Variants in PRDM11 observed in about 807,000 individuals in gnomAD.
PRDM11 encodes PR domain-containing protein 11.
A neutral mutation model predicts 97.8 loss-of-function variants in PRDM11; 20 were observed. The ratio of observed to expected loss-of-function variants is 0.20; its 90% CI spans 0.14 to 0.30. The LOEUF (loss-of-function observed/expected upper bound fraction) is 0.30, where lower values mean the gene tolerates loss of function less well. Among genes scored for constraint, PRDM11 ranks in the 10% least tolerant of loss-of-function variants. PRDM11 has a pLI of 1.00. For missense variants in PRDM11, 1,139 were observed against 1,555.2 expected (o/e 0.73, Z 4.50); for synonymous variants, 599 against 637.7 (o/e 0.94, Z 0.91).
At position 45,149,122 on chromosome 11, in the gene PRDM11, A is replaced by T. The variant is rs771916290; in HGVS notation, c.-7+2245A>T. 1.1e-3 allele frequency among the ~76,000 whole-genome samples: 163 copies of T among 152,294 alleles called. 1 individual carries two copies. The highest frequency in any genetic ancestry group is 3.4e-3 in the Middle Eastern group (1 of 294). On this transcript the variant is annotated intron_variant, in intron 1 of 7. Transcript: ENST00000683152. ...CCCCTCTTCCCCAGTGTTGTAGTCA[A>T]GCCATCGCTGTCTCTCCCCAGGACA...
intron 1 of PRDM11, among the ~76,000 whole-genome samples, chr11:45,167,759 C>CCA (rs34333065): frequency 0.027 from 3,831 of 143,232 alleles, 85 homozygotes; most frequent in East Asian, 0.088. Flanking sequence ...TCATTTCACA[C>CCA]CACACACACA....
chr11:45,127,154 C>T (rs979319471), intron 1 of PRDM11, among the ~76,000 whole-genome samples: 1 of 152,240 alleles, frequency 6.6e-6, no homozygotes, highest in African/African-American at 2.4e-5. Flanking sequence ...CTGCATTCTT[C>T]ACATAGTTCT....
intron 1 of PRDM11, among the ~76,000 whole-genome samples, chr11:45,152,876 G>C (rs1851694040): frequency 6.6e-6 from 1 of 152,196 alleles, no homozygotes; most frequent in Admixed American, 6.5e-5. Flanking sequence ...CTGCTGTGCT[G>C]AGGAGTTTAC....
At chr11:45,181,479 T>C (rs1852497859) in intron 1 of PRDM11, among the ~76,000 whole-genome samples, 1 of 152,232 alleles carries the variant, frequency 6.6e-6, no homozygotes, top group Admixed American at 6.5e-5. Context: ...GTCCAGGCTA[T>C]GCTTCCCAGC....
Position 45,150,326 on chromosome 11 carries a change from A to C in PRDM11, c.-7+3449A>C, listed in dbSNP as rs561393991. Among the ~76,000 whole-genome samples, 8 of 152,256 alleles carry C rather than the reference A, an allele frequency of 5.3e-5. No individual in the cohort carries two copies. In the South Asian group the frequency reaches 1.7e-3, roughly 32 times the overall value. ...CCTTTGGAGCACTCACATCCATAGC[A>C]ATTTCCCACTTATTGGTGTAATGAT... On this transcript the variant is annotated intron_variant, in intron 1 of 7. Transcript: ENST00000683152.
chr11:45,120,958 G>A (rs746564041), intron 1 of PRDM11, among the ~76,000 whole-genome samples: 189 of 152,076 alleles, frequency 1.2e-3, no homozygotes, highest in Non-Finnish European at 2.6e-4. Flanking sequence ...TCAAGAAGAA[G>A]TAACAGTGCA....
At chr11:45,097,098 G>T (rs1023079286) in intron 1 of PRDM11, among the ~76,000 whole-genome samples, 1 of 152,226 alleles carries the variant, frequency 6.6e-6, no homozygotes, top group Admixed American at 6.5e-5. Context: ...GATATTTCCT[G>T]CAGCTAAATA....
chr11:45,168,766 A>G (rs984534181), intron 1 of PRDM11, among the ~76,000 whole-genome samples: 11 of 152,218 alleles, frequency 7.2e-5, no homozygotes, highest in Admixed American at 2.0e-4. Flanking sequence ...CAAGTGGTCA[A>G]TGCAGGACAG....
chr11:45,218,654 G>C lies in PRDM11; in HGVS notation c.555-916G>C, dbSNP rs565609402. Reference sequence around the variant, plus strand: ...GTCAACTAATTTCCTCTTGCCCTCTGATCTGTACACCTTCACTCCTCGGCA... The same window carrying C: ...GTCAACTAATTTCCTCTTGCCCTCTCATCTGTACACCTTCACTCCTCGGCA... On this transcript the variant is annotated intron_variant, in intron 5 of 7. Coordinates refer to ENST00000683152, the MANE Select transcript of PRDM11 (RefSeq NM_001384648.1). 7.9e-5 allele frequency among the ~76,000 whole-genome samples: 12 copies of C among 152,318 alleles called. No individual in the cohort carries two copies. In the South Asian group the frequency reaches 2.5e-3, roughly 32 times the overall value.
At chr11:45,132,205 T>C (rs1375810663) in intron 1 of PRDM11, among the ~76,000 whole-genome samples, 1 of 152,050 alleles carries the variant, frequency 6.6e-6, no homozygotes, top group Non-Finnish European at 1.5e-5. Flanking sequence ...GTGCAGGGGG[T>C]CATTTTCCCT....
intron 4 of PRDM11, among the ~76,000 whole-genome samples, chr11:45,201,930 C>G (rs957886688): frequency 6.6e-6 from 1 of 151,984 alleles, no homozygotes; most frequent in African/African-American, 2.4e-5. Flanking sequence ...CCGAGGTGCA[C>G]CACTGCACTC....
At chr11:45,151,613 A>G (rs1350902000) in intron 1 of PRDM11, among the ~76,000 whole-genome samples, 1 of 152,222 alleles carries the variant, frequency 6.6e-6, no homozygotes, top group Non-Finnish European at 1.5e-5. Flanking sequence ...GCCCTTCCAG[A>G]GCTCACAGAT....
intron 1 of PRDM11, among the ~76,000 whole-genome samples, chr11:45,115,265 T>C (rs1323843157): frequency 1.3e-5 from 2 of 152,020 alleles, no homozygotes; most frequent in Admixed American, 6.6e-5. Flanking sequence ...ATATTAAAAT[T>C]GCTAGAGGAA....
intron 1 of PRDM11, among the ~76,000 whole-genome samples, chr11:45,115,281 A>G (rs1852276776): frequency 6.6e-6 from 1 of 152,162 alleles, no homozygotes; most frequent in South Asian, 2.1e-4. Context: ...AGGAAATATT[A>G]CAAATGCAAA....
chr11:45,183,585 C>T (rs191438764), intron 4 of PRDM11, among the ~76,000 whole-genome samples: 12 of 152,196 alleles, frequency 7.9e-5, no homozygotes, highest in African/African-American at 2.4e-4. Flanking sequence ...AGGGAGCAGA[C>T]GATCTGGTAG....
At chr11:45,142,908 C>T (rs1456872002), upstream of PRDM11, among the ~76,000 whole-genome samples, 1 of 152,176 alleles carries the variant, frequency 6.6e-6, no homozygotes, top group Non-Finnish European at 1.5e-5. Context: ...AAAAGGGGAA[C>T]ATCTTTAATA....
At chr11:45,202,692 T>C (rs1397230024) in intron 4 of PRDM11, among the ~76,000 whole-genome samples, 5 of 152,132 alleles carry the variant, frequency 3.3e-5, no homozygotes, top group Non-Finnish European at 7.3e-5. Context: ...GAGAAGAAGT[T>C]GGAGGCAGAG....
At chr11:45,146,208 G>T (rs915610424), upstream of PRDM11, among the ~76,000 whole-genome samples, 2 of 152,116 alleles carry the variant, frequency 1.3e-5, no homozygotes, top group African/African-American at 2.4e-5. Context: ...AATGGGACCG[G>T]GAGGGGGCCA....
At chr11:45,155,444 G>A (rs1399412324) in intron 1 of PRDM11, among the ~76,000 whole-genome samples, 8 of 152,192 alleles carry the variant, frequency 5.3e-5, no homozygotes, top group South Asian at 2.1e-4. Flanking sequence ...CAGAGAGGGC[G>A]GGCTCTGGGG....
Sources: allele counts gnomAD v4.1 joint callset (sites outside exome capture counted in the v4.1 genomes callset), GRCh38; gene constraint gnomAD v4.1.1; transcripts MANE v1.5; gene names NCBI Gene and HGNC (gene_info 2026-07-23, HGNC 2026-07-21).